Variants in FAM135A observed in about 807,000 individuals in gnomAD.
The protein encoded by FAM135A is protein FAM135A.
FAM135A carries 79 observed loss-of-function variants against 146.8 expected under a neutral mutation model. That is an observed-to-expected ratio of 0.54 (90% confidence interval 0.45 to 0.65). The LOEUF is 0.65. Among genes scored for constraint, FAM135A ranks in the 30% least tolerant of loss-of-function variants. FAM135A has a pLI of 0.00. For synonymous variants in FAM135A, 562 were observed against 603.6 expected (o/e 0.93, Z 1.01); for missense variants, 1,623 against 1,758.2 (o/e 0.92, Z 1.38).
intron 20 of FAM135A, among the ~76,000 whole-genome samples, chr6:70,552,423 G>A (rs1166631232): frequency 6.6e-6 from 1 of 151,580 alleles, no homozygotes; most frequent in Non-Finnish European, 1.5e-5. Context: ...GGGGCGAGGG[G>A]GAAGGCAAGA....
chr6:70,502,091 G>A (rs1184710548), intron 11 of FAM135A, among the ~76,000 whole-genome samples: 1 of 152,036 alleles, frequency 6.6e-6, no homozygotes, highest in Non-Finnish European at 1.5e-5. Context: ...AAAAAATAAA[G>A]TGACAATTCT....
chr6:70,557,169 T>C (rs1172491627), intron 21 of FAM135A: 1 of 452,400 alleles, frequency 2.2e-6, no homozygotes, highest in East Asian at 3.2e-5. Flanking sequence ...TGTCATATGT[T>C]CTGCTGTACC....
chr6:70,485,392 TA>T, intron 10 of FAM135A, among the ~76,000 whole-genome samples: 1 of 152,268 alleles, frequency 6.6e-6, no homozygotes, highest in East Asian at 1.9e-4. Context: ...AGAAAACATC[TA>T]AAAATACTAT....
At chr6:70,453,835 T>A (rs1027107959) in intron 5 of FAM135A, among the ~76,000 whole-genome samples, 5 of 152,236 alleles carry the variant, frequency 3.3e-5, no homozygotes, top group African/African-American at 1.2e-4. Context: ...TTGGGTTGGT[T>A]CCAAGTCTTT....
At chr6:70,437,424 AAAATT>A (rs1298534966) in intron 4 of FAM135A, among the ~76,000 whole-genome samples, 1 of 152,116 alleles carries the variant, frequency 6.6e-6, no homozygotes, top group African/African-American at 2.4e-5. Context: ...TTACATATAA[AAAATT>A]AAATAATTCT....
intron 16 of FAM135A, among the ~76,000 whole-genome samples, chr6:70,532,897 A>G (rs1796092582): frequency 1.3e-5 from 2 of 151,934 alleles, no homozygotes; most frequent in Non-Finnish European, 2.9e-5. Flanking sequence ...ATGCCACTGC[A>G]CTCCAGCTTG....
chr6:70,492,305 G>T (rs548543235), intron 11 of FAM135A, among the ~76,000 whole-genome samples: 1 of 151,676 alleles, frequency 6.6e-6, no homozygotes, highest in Non-Finnish European at 1.5e-5. Context: ...TAAAGTTAAC[G>T]TCATGCCATG....
intron 20 of FAM135A, among the ~76,000 whole-genome samples, chr6:70,555,028 C>T (rs574682043): frequency 4.6e-5 from 7 of 152,300 alleles, no homozygotes; most frequent in African/African-American, 1.4e-4. Context: ...ATCCAATTGG[C>T]AAAGCCATTT....
chr6:70,528,573 G>A, intron 16 of FAM135A, 121 bp downstream of exon 16: 1 of 830,218 alleles, frequency 1.2e-6, no homozygotes. Flanking sequence ...TAAATTAATT[G>A]AATCTTAAAT....
chr6:70,433,169 G>A (rs2127822972), intron 4 of FAM135A, among the ~76,000 whole-genome samples: 1 of 151,778 alleles, frequency 6.6e-6, no homozygotes, highest in East Asian at 1.9e-4. Context: ...CCGCCTCCCG[G>A]GTTCATGCCA....
At position 70,559,703 on chromosome 6, in the gene FAM135A, G is replaced by T. The variant is rs1341765195; in HGVS notation, c.4343-13G>T. On this transcript the variant is annotated splice_polypyrimidine_tract_variant and intron_variant, in intron 21 of 21. Coordinates refer to ENST00000418814, the MANE Select transcript of FAM135A (RefSeq NM_001162529.3). ...TTGTGAACTAATTTTCCTTTTTTCTGTTGGTTCCATAGGACAGATCTATTC... is the reference window on the plus strand; with the variant it reads ...TTGTGAACTAATTTTCCTTTTTTCTTTTGGTTCCATAGGACAGATCTATTC... The T allele has an allele frequency of 7.0e-6, 11 of 1,571,598 alleles. No homozygotes were observed. Among genetic ancestry groups the T allele is most frequent in the East Asian group, 4.6e-5 (2 of 43,876 alleles).
chr6:70,542,827 G>C (rs1320260965), intron 20 of FAM135A, among the ~76,000 whole-genome samples: 1 of 151,968 alleles, frequency 6.6e-6, no homozygotes, highest in Admixed American at 6.6e-5. Context: ...TAATGGTACT[G>C]TTCTCTCAAT....
chr6:70,517,593 A>G (rs1792577162), intron 12 of FAM135A, among the ~76,000 whole-genome samples: 1 of 151,622 alleles, frequency 6.6e-6, no homozygotes, highest in Non-Finnish European at 1.5e-5. Flanking sequence ...TAATTTTTGT[A>G]TTTTTAGTAG....
intron 20 of FAM135A, among the ~76,000 whole-genome samples, chr6:70,549,969 C>T (rs1395477423): frequency 6.6e-6 from 1 of 152,140 alleles, no homozygotes; most frequent in Admixed American, 6.5e-5. Context: ...GCATCTTTAC[C>T]AGGCATAGAT....
At chr6:70,519,439 G>A (rs1793047785) in intron 12 of FAM135A, among the ~76,000 whole-genome samples, 1 of 152,228 alleles carries the variant, frequency 6.6e-6, no homozygotes, top group African/African-American at 2.4e-5. Context: ...GAGTCAAGAG[G>A]ATTGACTCAA....
At chr6:70,456,905 A>G (rs547956247) in intron 5 of FAM135A, among the ~76,000 whole-genome samples, 1 of 152,296 alleles carries the variant, frequency 6.6e-6, no homozygotes, top group Non-Finnish European at 1.5e-5. Context: ...ATTACAGTTC[A>G]GTCAGGAGCA....
In FAM135A at chr6:70,482,027, C is replaced by T; in HGVS notation, c.696C>T (p.Ser232=). 6.2e-7 allele frequency: 1 copy of T among 1,613,484 alleles called. No homozygotes were observed. The highest frequency in any genetic ancestry group is 8.5e-7 in the Non-Finnish European group (1 of 1,179,678). The change falls in exon 10 of 22, where the codon TCC becomes TCT. Residue 232 remains serine (S), a synonymous_variant. Transcript: ENST00000418814. The stretch of plus-strand genomic sequence containing the variant: ...GTTGTAGCTTCATCATTGCAGACTC[C>T]TTCCTACATCATGCGTATCGTTTTC... ...PDGCSFIIAD[S]FLHHAYRFHY... is the part of the protein sequence containing the mutation.
intron 12 of FAM135A, among the ~76,000 whole-genome samples, chr6:70,520,343 G>A (rs1025080090): frequency 2.6e-5 from 4 of 152,046 alleles, no homozygotes; most frequent in Non-Finnish European, 5.9e-5. Context: ...TTTGCAAGGT[G>A]CTTATTTTTT....
At chr6:70,458,680 A>G (rs1195546381) in intron 5 of FAM135A, among the ~76,000 whole-genome samples, 1 of 152,186 alleles carries the variant, frequency 6.6e-6, no homozygotes. Context: ...TTAAATTAAT[A>G]TGAATATCAT....
Sources: allele counts gnomAD v4.1 joint callset (sites outside exome capture counted in the v4.1 genomes callset), GRCh38; gene constraint gnomAD v4.1.1; transcripts MANE v1.5; gene names NCBI Gene and HGNC (gene_info 2026-07-23, HGNC 2026-07-21).